Variants in FHIT observed in about 807,000 individuals in gnomAD.
FHIT encodes the protein bis(5'-adenosyl)-triphosphatase.
In FHIT, 19 loss-of-function variants were observed where a neutral mutation model predicts 17.9. That is an observed-to-expected ratio of 1.06 (90% CI 0.74 to 1.56). FHIT has a LOEUF of 1.56. Among genes scored for constraint, FHIT ranks in the 40% most tolerant of loss-of-function variants. The probability of loss-of-function intolerance (pLI) is 0.00; values close to 1 mark genes in which losing one functional copy is unlikely to be tolerated. For missense variants in FHIT, 248 were observed against 189.2 expected (o/e 1.31, Z -1.82); for synonymous variants, 81 against 69.7 (o/e 1.16, Z -0.81).
intron 3 of FHIT, among the ~76,000 whole-genome samples, chr3:60,910,265 T>G (rs549537517): frequency 1.3e-5 from 2 of 152,152 alleles, no homozygotes; most frequent in Non-Finnish European, 2.9e-5. Context: ...TGAAGCTGCT[T>G]AGAGATATTT....
intron 4 of FHIT, among the ~76,000 whole-genome samples, chr3:60,746,621 G>T (rs2042362408): frequency 6.6e-6 from 1 of 152,162 alleles, no homozygotes; most frequent in African/African-American, 2.4e-5. Context: ...ATGGAGCAAG[G>T]GTATGGAGGG....
At chr3:60,055,862 C>G (rs212035) in intron 5 of FHIT, among the ~76,000 whole-genome samples, 1 of 152,204 alleles carries the variant, frequency 6.6e-6, no homozygotes, top group South Asian at 2.1e-4. Flanking sequence ...CAAACTCTTT[C>G]TAGGCAGCTT....
chr3:60,564,024 C>G (rs917182560), intron 4 of FHIT, among the ~76,000 whole-genome samples: 2 of 152,142 alleles, frequency 1.3e-5, no homozygotes, highest in Non-Finnish European at 2.9e-5. Context: ...AAGTTAGTGC[C>G]TGGCTTCAAA....
At chr3:60,239,886 C>A (rs1390034845) in intron 5 of FHIT, among the ~76,000 whole-genome samples, 21 of 152,250 alleles carry the variant, frequency 1.4e-4, no homozygotes, top group Non-Finnish European at 4.4e-5. Flanking sequence ...GACCTTGGTT[C>A]TCTATTCTAC....
At position 60,492,764 on chromosome 3, in the gene FHIT, C is replaced by T. The variant is rs1452792843; in HGVS notation, c.103+44096G>A. On this transcript the variant is annotated intron_variant, in intron 5 of 9. Transcript: ENST00000492590. ...TCAGGTGATCCACCCGCCTCTCTCC[C>T]AATGACAGCAATTTTTTAGTTTGAC... 2.6e-5 allele frequency among the ~76,000 whole-genome samples: 4 copies of T among 152,074 alleles called. No homozygotes were observed. In the East Asian group the frequency reaches 7.7e-4, roughly 29 times the overall value.
At chr3:60,611,778 G>A (rs1166403128) in intron 4 of FHIT, among the ~76,000 whole-genome samples, 2 of 152,152 alleles carry the variant, frequency 1.3e-5, no homozygotes, top group Non-Finnish European at 2.9e-5. Flanking sequence ...CTCGTAGGAG[G>A]AACTATCCAG....
At chr3:60,371,987 A>C (rs373260193) in intron 5 of FHIT, among the ~76,000 whole-genome samples, 2 of 152,254 alleles carry the variant, frequency 1.3e-5, no homozygotes, top group South Asian at 4.1e-4. Context: ...TGCTAGTGAC[A>C]CTTCCTATTC....
At chr3:60,590,449 T>C (rs1193252147) in intron 4 of FHIT, among the ~76,000 whole-genome samples, 2 of 152,074 alleles carry the variant, frequency 1.3e-5, no homozygotes, top group African/African-American at 4.8e-5. Context: ...AGGATGTTAT[T>C]GATGTATTGT....
chr3:61,054,130 T>G (rs2106665222), intron 2 of FHIT, among the ~76,000 whole-genome samples: 1 of 152,266 alleles, frequency 6.6e-6, no homozygotes, highest in East Asian at 1.9e-4. Context: ...AAATGAAGTC[T>G]TCATGGCTCA....
chr3:59,958,434 G>C (rs551075564), intron 7 of FHIT, among the ~76,000 whole-genome samples: 1 of 152,244 alleles, frequency 6.6e-6, no homozygotes, highest in Non-Finnish European at 1.5e-5. Flanking sequence ...CAGAAAGGTA[G>C]GCAATTCCTC....
intron 5 of FHIT, among the ~76,000 whole-genome samples, chr3:60,430,002 A>G (rs1702818408): frequency 6.6e-6 from 1 of 151,948 alleles, no homozygotes; most frequent in Admixed American, 6.6e-5. Context: ...CCCGTGCCTT[A>G]AGAAGTTTCT....
intron 5 of FHIT, among the ~76,000 whole-genome samples, chr3:60,145,222 G>A (rs771687156): frequency 6.6e-6 from 1 of 152,108 alleles, no homozygotes; most frequent in Non-Finnish European, 1.5e-5. Context: ...ATTGGAAATT[G>A]CATTGTGAAT....
At chr3:60,528,967 T>A (rs760485936) in intron 5 of FHIT, among the ~76,000 whole-genome samples, 3 of 152,274 alleles carry the variant, frequency 2.0e-5, no homozygotes, top group Non-Finnish European at 2.9e-5. Context: ...CTAAGACATA[T>A]CCACCCATAT....
At chr3:61,146,853 T>C (rs938643957) in intron 2 of FHIT, among the ~76,000 whole-genome samples, 3 of 152,068 alleles carry the variant, frequency 2.0e-5, no homozygotes, top group Non-Finnish European at 4.4e-5. Flanking sequence ...AAGTGTAATA[T>C]ATGAAACACT....
chr3:60,913,790 G>A (rs1003449178), intron 3 of FHIT, among the ~76,000 whole-genome samples: 23 of 152,130 alleles, frequency 1.5e-4, no homozygotes, highest in Admixed American at 4.6e-4. Flanking sequence ...GACAGTTGGG[G>A]GCTGGCTGGG....
At chr3:60,946,192 CTGT>C (rs1200499799) in intron 3 of FHIT, among the ~76,000 whole-genome samples, 1 of 152,110 alleles carries the variant, frequency 6.6e-6, no homozygotes, top group Admixed American at 6.5e-5. Context: ...GATCAAAGAA[CTGT>C]TGGAGTAGAG....
chr3:60,251,068 C>T (rs371313069), intron 5 of FHIT, among the ~76,000 whole-genome samples: 10 of 152,182 alleles, frequency 6.6e-5, no homozygotes, highest in African/African-American at 9.7e-5. Context: ...TTCACATATG[C>T]TTCCCCCATA....
chr3:60,378,626 A>G (rs1400850760), intron 5 of FHIT, among the ~76,000 whole-genome samples: 1 of 152,248 alleles, frequency 6.6e-6, no homozygotes, highest in East Asian at 1.9e-4. Flanking sequence ...AGAACAACCT[A>G]CACAGATTTA....
At chr3:60,926,974 T>G (rs7641486) in intron 3 of FHIT, among the ~76,000 whole-genome samples, 38,349 of 152,000 alleles carry the variant, frequency 0.25, 5,754 homozygotes, top group Non-Finnish European at 0.34. Flanking sequence ...CCTCTCCCTT[T>G]CATCTCCGTC....
Sources: gnomAD v4.1 joint callset for allele counts (sites outside exome capture counted in the v4.1 genomes callset) on GRCh38, gnomAD v4.1.1 for gene constraint, MANE v1.5 for transcripts, NCBI Gene and HGNC (gene_info 2026-07-23, HGNC 2026-07-21) for gene names.